KDM2B: variants seen among roughly 807,000 people sequenced by gnomAD.
KDM2B encodes lysine demethylase 2B.
A neutral mutation model predicts 150.0 loss-of-function variants in KDM2B; 26 were observed. The ratio of observed to expected loss-of-function variants is 0.17; its 90% CI spans 0.13 to 0.24. KDM2B has a LOEUF of 0.24. Among genes scored for constraint, KDM2B ranks in the 10% least tolerant of loss-of-function variants. The probability of loss-of-function intolerance (pLI) is 1.00; values close to 1 mark genes in which losing one functional copy is unlikely to be tolerated. For synonymous variants in KDM2B, 734 were observed against 729.5 expected, an observed-to-expected ratio of 1.01 and a Z score of -0.10; for missense variants, 1,265 against 1,816.9, an observed-to-expected ratio of 0.70 and a Z score of 5.52.
chr12:121,579,650 C>T, intron 1 of KDM2B: 1 of 1,352,550 alleles, frequency 7.4e-7, no homozygotes, highest in Non-Finnish European at 9.7e-7. Flanking sequence ...CGCGCGCACA[C>T]TCACTTCCTA....
chr12:121,457,280 G>T (rs1236813911), intron 12 of KDM2B, among the ~76,000 whole-genome samples: 1 of 149,736 alleles, frequency 6.7e-6, no homozygotes, highest in Non-Finnish European at 1.5e-5. Flanking sequence ...CTTTTTTTTT[G>T]AGATAGAGTC....
chr12:121,578,686 G>C, intron 2 of KDM2B, 116 bp downstream of exon 2: 4 of 165,510 alleles, frequency 2.4e-5, no homozygotes, highest in South Asian at 3.4e-4. Context: ...TTTCGTCACC[G>C]GATCCCCTGG....
At chr12:121,577,575 G>T (rs1488283370) in intron 2 of KDM2B, among the ~76,000 whole-genome samples, 5 of 152,120 alleles carry the variant, frequency 3.3e-5, no homozygotes, top group African/African-American at 4.8e-5. Context: ...TGCAAAGCTG[G>T]GAGTCTCTTC....
intron 10 of KDM2B, among the ~76,000 whole-genome samples, chr12:121,510,935 C>T (rs1555303878): frequency 6.6e-6 from 1 of 151,868 alleles, no homozygotes; most frequent in African/African-American, 2.4e-5. Flanking sequence ...GAGTAGTTGC[C>T]TAGGGCTGGG....
chr12:121,438,250 T>C (rs1320155181), intron 22 of KDM2B, among the ~76,000 whole-genome samples: 1 of 128,434 alleles, frequency 7.8e-6, no homozygotes, highest in Admixed American at 7.7e-5. Flanking sequence ...CAAGGCTCCA[T>C]CTCAAAAAAA....
Position 121,467,330 on chromosome 12 carries a change from C to A in KDM2B, c.1735-13986G>T, listed in dbSNP as rs1212669865. ...CGGGCTCGGGCTCGGGCTCGGGCTC[C>A]CGCTGCCGCGAGGAGGGAGCCGCGC... On this transcript the variant is annotated intron_variant, in intron 12 of 22. Coordinates refer to ENST00000377071, the MANE Select transcript of KDM2B (RefSeq NM_032590.5). The surrounding 1 kb of genome is among the most constrained non-coding windows in gnomAD (Gnocchi z 5.1). 1 of 981,382 alleles carries A rather than the reference C, an allele frequency of 1.0e-6. No individual in the cohort carries two copies. Among genetic ancestry groups the A allele is most frequent in the Non-Finnish European group, 1.2e-6 (1 of 828,210 alleles). The allele number at this position is 981,382 out of a possible 1,614,324, so 60.8% of individuals were successfully genotyped here. A position where few individuals can be genotyped will look rare whatever the true frequency, so the allele number is the denominator to read the frequency against.
intron 6 of KDM2B, among the ~76,000 whole-genome samples, chr12:121,543,444 T>A (rs1555310050): frequency 6.6e-6 from 1 of 151,360 alleles, no homozygotes; most frequent in Non-Finnish European, 1.5e-5. Flanking sequence ...CTGGATCACT[T>A]GAGGCCAGGA....
At chr12:121,555,649 T>C (rs1326232902) in intron 4 of KDM2B, among the ~76,000 whole-genome samples, 2 of 152,142 alleles carry the variant, frequency 1.3e-5, no homozygotes, top group Non-Finnish European at 2.9e-5. Flanking sequence ...TCTGAGATTA[T>C]AGGCGTGAGC....
intron 12 of KDM2B, among the ~76,000 whole-genome samples, chr12:121,474,154 A>G (rs1566310840): frequency 6.6e-6 from 1 of 152,230 alleles, no homozygotes; most frequent in Non-Finnish European, 1.5e-5. Flanking sequence ...GGAACTAAAT[A>G]GAAGTATTGG....
At chr12:121,424,584 C>T (rs1162487604), downstream of KDM2B, among the ~76,000 whole-genome samples, 2 of 151,826 alleles carry the variant, frequency 1.3e-5, no homozygotes, top group Non-Finnish European at 2.9e-5. Context: ...ATTAGCCAGG[C>T]GTGGTAGTCC....
At chr12:121,554,258 G>T (rs1889737322) in intron 4 of KDM2B, among the ~76,000 whole-genome samples, 1 of 151,952 alleles carries the variant, frequency 6.6e-6, no homozygotes, top group Admixed American at 6.6e-5. Flanking sequence ...AAAGTGGGGT[G>T]AAATGAATTG....
rs1363166604 is a variant in KDM2B at position 121,537,156 on chromosome 12, T to C, written c.684-2566A>G. On this transcript the variant is annotated intron_variant, in intron 6 of 22. Coordinates refer to ENST00000377071, the MANE Select transcript of KDM2B (RefSeq NM_032590.5). This position sits in a 1 kb window ranked among gnomAD's most constrained non-coding sequence, Gnocchi z 8.7. ...CCTGGCCGCCCCTCCCACCCCGCGATCGCAGGCATTAGGGGAGCCAGGGTG... is the reference window on the plus strand; with the variant it reads ...CCTGGCCGCCCCTCCCACCCCGCGACCGCAGGCATTAGGGGAGCCAGGGTG... Among the ~76,000 whole-genome samples, 1 of 152,028 alleles carries C rather than the reference T, an allele frequency of 6.6e-6. No homozygotes were observed. Among genetic ancestry groups the C allele is most frequent in the Non-Finnish European group, 1.5e-5 (1 of 67,972 alleles).
At chr12:121,495,511 G>C (rs1268808082) in intron 11 of KDM2B, among the ~76,000 whole-genome samples, 1 of 152,142 alleles carries the variant, frequency 6.6e-6, no homozygotes, top group African/African-American at 2.4e-5. Context: ...TGTTGCCCAA[G>C]CTTGTCTCAA....
rs1024432702 is a variant in KDM2B, at chr12:121,453,906, T to C, written c.1735-562A>G. Among the ~76,000 whole-genome samples, 4 of 152,158 alleles carry C rather than the reference T, an allele frequency of 2.6e-5. No homozygotes were observed. The highest frequency in any genetic ancestry group is 6.5e-5 in the Admixed American group (1 of 15,280). On this transcript the variant is annotated intron_variant, in intron 12 of 22. Coordinates refer to ENST00000377071, the MANE Select transcript of KDM2B (RefSeq NM_032590.5). This position sits in a 1 kb window ranked among gnomAD's most constrained non-coding sequence, Gnocchi z 6.4. ...GCAGCACACAGCTCGAGACCTTCCA[T>C]GGCTGCACCCACAGGCTCGGACCCT...
At chr12:121,564,684 T>C (rs2098812707) in intron 4 of KDM2B, among the ~76,000 whole-genome samples, 1 of 152,090 alleles carries the variant, frequency 6.6e-6, no homozygotes, top group South Asian at 2.1e-4. Flanking sequence ...CTCCGTATAA[T>C]AAAAACTTCC....
intron 4 of KDM2B, among the ~76,000 whole-genome samples, chr12:121,554,033 C>CCACACACACACACACACACA (rs56659514): frequency 3.3e-5 from 4 of 122,142 alleles, no homozygotes; most frequent in East Asian, 5.0e-4. Context: ...CACCCCAGCT[C>CCACACACACACACACACACA]CACACACACA....
intron 2 of KDM2B, 34 bp downstream of exon 2, chr12:121,578,768 G>C (rs993861974): frequency 2.1e-6 from 3 of 1,429,036 alleles, no homozygotes; most frequent in Non-Finnish European, 2.8e-6. Flanking sequence ...TCGGCCCGCA[G>C]CGCAGAGGGC....
chr12:121,471,200 C>T (rs1880735387), intron 12 of KDM2B, among the ~76,000 whole-genome samples: 1 of 152,198 alleles, frequency 6.6e-6, no homozygotes, highest in Non-Finnish European at 1.5e-5. Flanking sequence ...CTCCCTCCGT[C>T]TGACCTCATC....
At chr12:121,579,087 T>G in intron 1 of KDM2B, 141 bp from the exon 2 acceptor site, 3 of 873,682 alleles carry the variant, frequency 3.4e-6, no homozygotes, top group Non-Finnish European at 3.5e-6. Flanking sequence ...CTTTGCGCAA[T>G]TGCCAAAGAT....
Sources: allele counts gnomAD v4.1 joint callset (sites outside exome capture counted in the v4.1 genomes callset), GRCh38; gene constraint gnomAD v4.1.1; non-coding constraint Gnocchi (gnomAD v3.1); transcripts MANE v1.5; gene names NCBI Gene and HGNC (gene_info 2026-07-23, HGNC 2026-07-21).